The following ALPK1 variants were observed in gnomAD, a reference collection of about 807,000 sequenced individuals.
ALPK1 encodes the protein alpha kinase 1, also known as alpha-protein kinase 1.
A neutral mutation model predicts 120.6 loss-of-function variants in ALPK1; 110 were observed. The observed-to-expected ratio is 0.91, with a 90% CI of 0.78 to 1.07. The LOEUF is 1.07. Ranked by LOEUF, ALPK1 falls within the 50% of genes least tolerant of loss-of-function variation. The probability of loss-of-function intolerance (pLI) is 0.00; values close to 1 mark genes in which losing one functional copy is unlikely to be tolerated. For synonymous variants in ALPK1, 582 were observed against 560.3 expected, an observed-to-expected ratio of 1.04 and a Z score of -0.55; for missense variants, 1,498 against 1,483.9, an observed-to-expected ratio of 1.01 and a Z score of -0.16.
chr4:112,385,159 C>G (rs566494277), intron 4 of ALPK1, among the ~76,000 whole-genome samples: 7 of 152,144 alleles, frequency 4.6e-5, no homozygotes, highest in Non-Finnish European at 1.0e-4. Context: ...GCATTCAAAG[C>G]TGGTAGTGAC....
intron 2 of ALPK1, among the ~76,000 whole-genome samples, chr4:112,331,956 A>G (rs529198102): frequency 6.6e-6 from 1 of 152,354 alleles, no homozygotes; most frequent in African/African-American, 2.4e-5. Flanking sequence ...AGTCTCTACC[A>G]GTACCAAATA....
At chr4:112,305,912 C>A (rs772180882) in intron 1 of ALPK1, among the ~76,000 whole-genome samples, 7 of 151,926 alleles carry the variant, frequency 4.6e-5, no homozygotes, top group Admixed American at 6.6e-5. Context: ...TATTATTTTG[C>A]AATACATCCC....
chr4:112,377,905 T>C lies in ALPK1; in HGVS notation c.121+7T>C. 2 of 1,600,800 alleles carry C rather than the reference T, an allele frequency of 1.2e-6. No individual in the cohort carries two copies. Among genetic ancestry groups the C allele is most frequent in the Non-Finnish European group, 1.7e-6 (2 of 1,171,660 alleles). On this transcript the variant is annotated splice_region_variant and intron_variant, in intron 3 of 15. Transcript: ENST00000650871. The stretch of plus-strand genomic sequence containing the variant: ...GAGGACCAGCGCTGCAGAGGTGAGG[T>C]TCTGATGGGAGGCACCAGGGGTGAA...
chr4:112,328,302 G>A (rs905259237), intron 2 of ALPK1, among the ~76,000 whole-genome samples: 7 of 152,332 alleles, frequency 4.6e-5, no homozygotes, highest in African/African-American at 7.2e-5. Flanking sequence ...GGCTCTGTTC[G>A]CACTGGCTGC....
intron 2 of ALPK1, among the ~76,000 whole-genome samples, chr4:112,328,092 A>G (rs965929614): frequency 1.3e-5 from 2 of 152,254 alleles, no homozygotes; most frequent in Non-Finnish European, 2.9e-5. Flanking sequence ...AGCAATGACT[A>G]AAAAAGAAAG....
Position 112,438,469 on chromosome 4 carries a change from T to G in ALPK1, c.3189-15T>G, listed in dbSNP as rs776113638. On this transcript the variant is annotated splice_polypyrimidine_tract_variant and intron_variant, in intron 12 of 15. Coordinates refer to ENST00000650871, the MANE Select transcript of ALPK1 (RefSeq NM_025144.4). ...CACTTTTGCATTTTGTTGTGTGGATTTTCTTTGTTCATAGGTATGTTGGGA... is the reference window on the plus strand; with the variant it reads ...CACTTTTGCATTTTGTTGTGTGGATGTTCTTTGTTCATAGGTATGTTGGGA... The G allele has an allele frequency of 3.2e-5, 52 of 1,609,696 alleles. 1 individual carries two copies. The South Asian group carries it at 5.0e-4, about 15-fold the overall frequency.
chr4:112,349,556 C>CG (rs568327602), intron 2 of ALPK1, among the ~76,000 whole-genome samples: 1 of 142,618 alleles, frequency 7.0e-6, no homozygotes, highest in Non-Finnish European at 1.5e-5. Flanking sequence ...CCCCTGCCCC[C>CG]CCCCGCTTTA....
rs753319795 is a variant in ALPK1 at position 112,430,624 on chromosome 4, C to CG, written c.1079dup (p.Leu361SerfsTer23). On this transcript the variant is annotated frameshift_variant, in exon 11 of 16. Transcript: ENST00000650871. LOFTEE classifies it high-confidence loss of function. ...TTCACAGCTTTGTCAAAGCTGCTTT[C>CG]GGTCTCACCACAGTGCACAGAAGGC... is the stretch of plus-strand genomic sequence containing the variant. 1 of 1,614,002 alleles carries CG rather than the reference C, an allele frequency of 6.2e-7. No homozygotes were observed. Among genetic ancestry groups the CG allele is most frequent in the African/African-American group, 1.3e-5 (1 of 74,910 alleles).
chr4:112,398,961 AG>A (rs1461289179), intron 4 of ALPK1, among the ~76,000 whole-genome samples: 10 of 152,230 alleles, frequency 6.6e-5, no homozygotes, highest in African/African-American at 2.4e-4. Context: ...ACAGAAACAG[AG>A]AACACTGAGG....
intron 2 of ALPK1, among the ~76,000 whole-genome samples, chr4:112,316,729 T>G (rs888280381): frequency 1.3e-5 from 2 of 152,178 alleles, no homozygotes; most frequent in Non-Finnish European, 2.9e-5. Context: ...ATTAGTGATA[T>G]TGGGGACTTT....
intron 14 of ALPK1, 105 bp from the exon 15 acceptor site, chr4:112,440,812 A>AGTGT (rs71595596): frequency 0.28 from 370,482 of 1,314,656 alleles, 18,718 homozygotes; most frequent in East Asian, 0.33. Context: ...TATCTCTTTA[A>AGTGT]GTGTGTGTGT....
At chr4:112,308,080 C>T (rs1343329176) in intron 1 of ALPK1, among the ~76,000 whole-genome samples, 1 of 152,112 alleles carries the variant, frequency 6.6e-6, no homozygotes, top group Non-Finnish European at 1.5e-5. Flanking sequence ...TTGGCCCCCA[C>T]TCTCTTCTGG....
intron 2 of ALPK1, among the ~76,000 whole-genome samples, chr4:112,340,530 C>T (rs1310024591): frequency 1.3e-5 from 2 of 151,932 alleles, no homozygotes; most frequent in African/African-American, 4.8e-5. Context: ...AGATCTATGC[C>T]CTTGGGTGGA....
At chr4:112,303,625 A>G (rs1727886631) in intron 1 of ALPK1, among the ~76,000 whole-genome samples, 1 of 152,030 alleles carries the variant, frequency 6.6e-6, no homozygotes, top group Admixed American at 6.5e-5. Context: ...AACAATTTGT[A>G]TCAGATCATG....
intron 5 of ALPK1, chr4:112,423,661 ACTC>A (rs1181494478): frequency 2.2e-5 from 12 of 536,796 alleles, no homozygotes; most frequent in Middle Eastern, 2.8e-4. Context: ...GTTTGCCTCT[ACTC>A]CTCAAACCCT....
At chr4:112,313,298 G>A (rs1197099427) in intron 1 of ALPK1, among the ~76,000 whole-genome samples, 2 of 152,206 alleles carry the variant, frequency 1.3e-5, no homozygotes, top group Admixed American at 1.3e-4. Flanking sequence ...GGAGGAACCA[G>A]CCAAAAAGAC....
intron 2 of ALPK1, among the ~76,000 whole-genome samples, chr4:112,351,684 G>C (rs1446809274): frequency 2.0e-5 from 3 of 152,120 alleles, no homozygotes; most frequent in African/African-American, 7.2e-5. Context: ...ATGTTGGCCA[G>C]GCTGGTCTCG....
At chr4:112,332,674 C>G (rs1432129509) in intron 2 of ALPK1, among the ~76,000 whole-genome samples, 1 of 152,184 alleles carries the variant, frequency 6.6e-6, no homozygotes, top group Non-Finnish European at 1.5e-5. Context: ...AATACAGGAA[C>G]TTGGAAAATA....
chr4:112,315,178 G>A (rs553168541), intron 1 of ALPK1, among the ~76,000 whole-genome samples: 5 of 152,084 alleles, frequency 3.3e-5, no homozygotes, highest in African/African-American at 1.2e-4. Flanking sequence ...CACTGTGCCC[G>A]GCCACATTGT....
Sources: gnomAD v4.1 joint callset for allele counts (sites outside exome capture counted in the v4.1 genomes callset) on GRCh38, gnomAD v4.1.1 for gene constraint, MANE v1.5 for transcripts, NCBI Gene and HGNC (gene_info 2026-07-23, HGNC 2026-07-21) for gene names.